The following TENT4A variants were observed in gnomAD, a reference collection of about 807,000 sequenced individuals.
The protein encoded by TENT4A is terminal nucleotidyltransferase 4A.
A neutral mutation model predicts 72.8 loss-of-function variants in TENT4A; 7 were observed. The observed-to-expected ratio is 0.10, with a 90% CI of 0.05 to 0.18. TENT4A has a LOEUF of 0.18. Ranked by LOEUF, TENT4A falls within the 10% of genes least tolerant of loss-of-function variation. TENT4A has a pLI of 1.00. For synonymous variants in TENT4A, 456 were observed against 434.3 expected (o/e 1.05, Z -0.62); for missense variants, 831 against 1,017.7 (o/e 0.82, Z 2.50).
chr5:6,746,489 A>G (rs2126648364), intron 7 of TENT4A, 62 bp downstream of exon 7: 1 of 1,525,760 alleles, frequency 6.6e-7, no homozygotes, highest in South Asian at 1.1e-5. Context: ...TGCTGGTGAC[A>G]GGGCCTGTGT....
chr5:6,748,447 T>C lies in TENT4A; in HGVS notation c.1460-17T>C, dbSNP rs1742224174. ...GTGTGCATGTGGGGAGGGTCTGACA[T>C]AGCCTTTTTGCTGCAGGGAATGACG... is the stretch of plus-strand genomic sequence containing the variant. On this transcript the variant is annotated splice_polypyrimidine_tract_variant and intron_variant, in intron 7 of 12. Coordinates refer to ENST00000230859, the MANE Select transcript of TENT4A (RefSeq NM_006999.6). 2 of 1,613,732 alleles carry C rather than the reference T, an allele frequency of 1.2e-6. No individual in the cohort carries two copies. The highest frequency in any genetic ancestry group is 8.5e-7 in the Non-Finnish European group (1 of 1,179,774).
chr5:6,732,084 C>T (rs1358360368), intron 1 of TENT4A, among the ~76,000 whole-genome samples: 1 of 152,202 alleles, frequency 6.6e-6, no homozygotes, highest in Non-Finnish European at 1.5e-5. Flanking sequence ...CACCTTTGAA[C>T]AACTTAGAAA....
At chr5:6,746,007 A>G in intron 6 of TENT4A, 1 of 1,397,226 alleles carries the variant, frequency 7.2e-7, no homozygotes, top group South Asian at 1.6e-5. Context: ...AACTACACTA[A>G]AATTCAGATG....
At chr5:6,726,063 C>T (rs1740904285) in intron 1 of TENT4A, among the ~76,000 whole-genome samples, 1 of 152,206 alleles carries the variant, frequency 6.6e-6, no homozygotes, top group Non-Finnish European at 1.5e-5. Flanking sequence ...TCCTCTGGTG[C>T]CCAGTGGTGG....
chr5:6,731,755 A>G (rs1431774020), intron 1 of TENT4A, among the ~76,000 whole-genome samples: 2 of 152,002 alleles, frequency 1.3e-5, no homozygotes, highest in African/African-American at 4.8e-5. Context: ...CATTTTCGTG[A>G]CGTTTCCTTT....
chr5:6,715,478 G>T (rs1275262795), intron 1 of TENT4A, among the ~76,000 whole-genome samples: 4 of 152,304 alleles, frequency 2.6e-5, no homozygotes, highest in Admixed American at 1.3e-4. Flanking sequence ...TGTTGACGCA[G>T]CCCCTTTGCC....
At chr5:6,717,296 T>C (rs543453590) in intron 1 of TENT4A, among the ~76,000 whole-genome samples, 1 of 152,354 alleles carries the variant, frequency 6.6e-6, no homozygotes, top group East Asian at 1.9e-4. Flanking sequence ...ACCTTGTTGC[T>C]GAGAAGCTGC....
chr5:6,737,513 A>G lies in TENT4A; in HGVS notation c.720A>G (p.Leu240=). Residue 240 remains leucine, a synonymous_variant, in exon 2 of 13, where the codon CTA becomes CTG. Transcript: ENST00000230859. The part of the protein sequence containing the change: ...SRAYSPGIQG[L]HEEIIDFYNF... ...TGTTTTCTTTTTTGTCCATTAGACT[A>G]CATGAGGAAATAATTGACTTTTATA... 1.2e-6 allele frequency: 2 copies of G among 1,611,518 alleles called. No homozygotes were observed. The highest frequency in any genetic ancestry group is 1.7e-6 in the Non-Finnish European group (2 of 1,178,376).
Position 6,714,642 on chromosome 5 carries a change from AGGCGCCGCGGCCCGGCACCCCG to A in TENT4A, c.660_681del (p.Gln220HisfsTer18). 1.7e-6 allele frequency: 2 copies of A among 1,198,490 alleles called. No homozygotes were observed. The highest frequency in any genetic ancestry group is 2.1e-6 in the Non-Finnish European group (2 of 966,530). 74.2% of individuals were successfully genotyped at this position (1,198,490 alleles called of 1,614,324 possible). A position where few individuals can be genotyped will look rare whatever the true frequency, so the allele number is the denominator to read the frequency against. ...AGCGGAGGGGGCGGCCCCGGGGCCCAGGCGCCGCGGCCCGGCACCCCGTGGAAGAGCCGCGCGTACAGCCCGG... is the reference window on the plus strand; with the variant it reads ...AGCGGAGGGGGCGGCCCCGGGGCCCATGGAAGAGCCGCGCGTACAGCCCGG... On this transcript the variant is annotated frameshift_variant, in exon 1 of 13. Coordinates refer to ENST00000230859, the MANE Select transcript of TENT4A (RefSeq NM_006999.6). LOFTEE classifies it high-confidence loss of function.
chr5:6,722,115 G>A (rs1740683497), intron 1 of TENT4A, among the ~76,000 whole-genome samples: 1 of 152,176 alleles, frequency 6.6e-6, no homozygotes. Context: ...ATCAGCCCAT[G>A]TCACACACTC....
chr5:6,733,143 T>C (rs1741292048), intron 1 of TENT4A, among the ~76,000 whole-genome samples: 1 of 152,248 alleles, frequency 6.6e-6, no homozygotes, highest in African/African-American at 2.4e-5. Context: ...AGCCCCAAGC[T>C]GGAGAGTGCC....
intron 12 of TENT4A, among the ~76,000 whole-genome samples, chr5:6,753,312 C>T (rs1346382745): frequency 1.3e-5 from 2 of 152,236 alleles, no homozygotes; most frequent in African/African-American, 2.4e-5. Context: ...AAATAAGGCT[C>T]AAAATGAAGA....
intron 1 of TENT4A, among the ~76,000 whole-genome samples, chr5:6,730,987 CTAGT>C (rs1280856620): frequency 1.3e-5 from 2 of 152,194 alleles, no homozygotes; most frequent in African/African-American, 2.4e-5. Flanking sequence ...CCCACTCTTC[CTAGT>C]TAAAGTTAAA....
intron 10 of TENT4A, 176 bp downstream of exon 10, chr5:6,750,679 T>A: frequency 1.7e-6 from 1 of 594,976 alleles, no homozygotes; most frequent in Non-Finnish European, 2.8e-6. Flanking sequence ...TCCTTTCCCC[T>A]GCCGTGAACC....
intron 1 of TENT4A, among the ~76,000 whole-genome samples, chr5:6,734,694 A>G (rs1002966028): frequency 1.1e-4 from 16 of 152,252 alleles, no homozygotes; most frequent in Admixed American, 2.6e-4. Flanking sequence ...AGGTGTGGTT[A>G]TTAGTGCAGC....
intron 10 of TENT4A, chr5:6,750,764 T>C (rs1031612092): frequency 6.5e-5 from 36 of 552,118 alleles, no homozygotes; most frequent in Non-Finnish European, 1.1e-4. Flanking sequence ...ACAGTGGACT[T>C]CCTTGAGTAG....
chr5:6,714,904 A>G (rs1486719623), intron 1 of TENT4A: 1 of 276,662 alleles, frequency 3.6e-6, no homozygotes. Flanking sequence ...TCCTACAAGT[A>G]ACAGTCCAAG....
intron 1 of TENT4A, among the ~76,000 whole-genome samples, chr5:6,722,078 G>A (rs768602168): frequency 1.3e-5 from 2 of 152,158 alleles, no homozygotes; most frequent in Non-Finnish European, 2.9e-5. Context: ...CGGGAGCCAC[G>A]TGCTTGGCTC....
chr5:6,714,484 C>T lies in TENT4A; in HGVS notation c.501C>T (p.Pro167=), dbSNP rs1740258273. The T allele has an allele frequency of 8.5e-7, 1 of 1,183,172 alleles. No homozygotes were observed. Among genetic ancestry groups the T allele is most frequent in the Non-Finnish European group, 1.0e-6 (1 of 956,878 alleles). 73.3% of individuals were successfully genotyped at this position (1,183,172 alleles called of 1,614,324 possible). The change falls in exon 1 of 13, where the codon CCC becomes CCT. Residue 167 remains proline, a synonymous_variant. Transcript: ENST00000230859. The part of the protein sequence containing the change: ...PSAPGTANGH[P]GPRGPAPAGS... Reference sequence around the variant, plus strand: ...CCCCTGGCACAGCCAACGGGCACCCCGGGCCGCGCGGCCCCGCGCCCGCCG... The same window carrying T: ...CCCCTGGCACAGCCAACGGGCACCCTGGGCCGCGCGGCCCCGCGCCCGCCG...
Sources: gnomAD v4.1 joint callset for allele counts (sites outside exome capture counted in the v4.1 genomes callset) on GRCh38, gnomAD v4.1.1 for gene constraint, MANE v1.5 for transcripts, NCBI Gene and HGNC (gene_info 2026-07-23, HGNC 2026-07-21) for gene names.